Variants in RSPO2 observed in about 807,000 individuals in gnomAD.
RSPO2 encodes R-spondin 2, also known as R-spondin-2.
In RSPO2, 14 loss-of-function variants were observed where a neutral mutation model predicts 30.9. That is an observed-to-expected ratio of 0.45 (90% CI 0.30 to 0.71). The LOEUF (loss-of-function observed/expected upper bound fraction) is 0.71. Ranked by LOEUF, RSPO2 falls within the 30% of genes least tolerant of loss-of-function variation. RSPO2 has a pLI of 0.08. For missense variants in RSPO2, 264 were observed against 301.9 expected (o/e 0.87, Z 0.93); for synonymous variants, 107 against 96.4 (o/e 1.11, Z -0.64).
At chr8:108,047,312 T>C (rs1258427406) in intron 2 of RSPO2, among the ~76,000 whole-genome samples, 1 of 152,236 alleles carries the variant, frequency 6.6e-6, no homozygotes, top group Non-Finnish European at 1.5e-5. Context: ...ATCCTTCATA[T>C]GTCAGAGGCC....
chr8:107,913,762 T>A (rs1055318594), intron 5 of RSPO2, among the ~76,000 whole-genome samples: 1 of 152,142 alleles, frequency 6.6e-6, no homozygotes, highest in East Asian at 1.9e-4. Flanking sequence ...TGAGTTCATG[T>A]CTCCTCAACT....
chr8:108,003,312 T>C (rs1363539316), intron 2 of RSPO2, among the ~76,000 whole-genome samples: 27 of 10,732 alleles, frequency 2.5e-3, no homozygotes, highest in African/African-American at 5.7e-3. Context: ...TATATATATA[T>C]TTTTTTTTTT....
intron 5 of RSPO2, among the ~76,000 whole-genome samples, chr8:107,902,116 T>C (rs1232397528): frequency 6.6e-6 from 1 of 152,158 alleles, no homozygotes; most frequent in East Asian, 1.9e-4. Context: ...GTCCATCACC[T>C]CTTTGAGTTC....
intron 5 of RSPO2, among the ~76,000 whole-genome samples, chr8:107,944,959 ACTAGATAAACTAGTGATAAACT>A (rs528192993): frequency 2.8e-4 from 42 of 152,240 alleles, no homozygotes; most frequent in Admixed American, 9.2e-4. Flanking sequence ...TAGTTTTATC[ACTAGATAAACTAGTGATAAACT>A]CTAGGCCTAG....
Position 107,900,905 on chromosome 8 carries a change from G to A in RSPO2, c.*170C>T. ...TCACAGTCTCCAGATTCAAATCAAA[G>A]CATAAATAACACAGGGGCCATGCTG... is the stretch of plus-strand genomic sequence containing the variant. On this transcript the variant is annotated 3_prime_UTR_variant, in exon 6 of 6. Coordinates refer to ENST00000276659, the MANE Select transcript of RSPO2 (RefSeq NM_178565.5). The A allele has an allele frequency of 1.5e-6, 1 of 656,808 alleles. No homozygotes were observed. The highest frequency in any genetic ancestry group is 2.4e-5 in the South Asian group (1 of 41,222). 40.7% of individuals were successfully genotyped at this position (656,808 alleles called of 1,614,324 possible).
chr8:108,012,887 G>A (rs555196369), intron 2 of RSPO2, among the ~76,000 whole-genome samples: 23 of 152,278 alleles, frequency 1.5e-4, no homozygotes, highest in East Asian at 1.2e-3. Flanking sequence ...CAACCCTCAT[G>A]TTGGAATTTA....
At chr8:108,066,592 TA>T (rs1812675472) in intron 2 of RSPO2, among the ~76,000 whole-genome samples, 1 of 152,170 alleles carries the variant, frequency 6.6e-6, no homozygotes, top group African/African-American at 2.4e-5. Flanking sequence ...CTGTCCCAGC[TA>T]AACACGTATC....
chr8:107,968,713 T>C (rs1813898567), intron 3 of RSPO2, among the ~76,000 whole-genome samples: 1 of 151,934 alleles, frequency 6.6e-6, no homozygotes, highest in Admixed American at 6.6e-5. Context: ...CATACAACTA[T>C]TAAATATAAA....
chr8:108,035,935 A>T (rs555083738), intron 2 of RSPO2, among the ~76,000 whole-genome samples: 224 of 152,272 alleles, frequency 1.5e-3, no homozygotes, highest in African/African-American at 5.3e-3. Context: ...GCTAATAAAA[A>T]CATTTTTCAT....
chr8:108,083,282 G>A lies in RSPO2; in HGVS notation c.-255C>T, dbSNP rs947918182. The A allele has an allele frequency of 6.6e-6, 1 of 152,248 alleles. No homozygotes were observed. Among genetic ancestry groups the A allele is most frequent in the Non-Finnish European group, 1.5e-5 (1 of 68,064 alleles). 9.4% of individuals were successfully genotyped at this position (152,248 alleles called of 1,614,324 possible). On this transcript the variant is annotated 5_prime_UTR_variant, in exon 1 of 6. Transcript: ENST00000276659. ...AAGCGAGCCGCTTGGTTAGCACGTGGGCTGGGGAAAAGTTTGCCGAGACCG... is the reference window on the plus strand; with the variant it reads ...AAGCGAGCCGCTTGGTTAGCACGTGAGCTGGGGAAAAGTTTGCCGAGACCG...
At chr8:107,939,131 T>G (rs1812806029) in intron 5 of RSPO2, among the ~76,000 whole-genome samples, 1 of 152,098 alleles carries the variant, frequency 6.6e-6, no homozygotes, top group African/African-American at 2.4e-5. Flanking sequence ...TCTTGCTTGT[T>G]ATTAACTCCG....
At chr8:108,061,016 A>G (rs928311568) in intron 2 of RSPO2, among the ~76,000 whole-genome samples, 4 of 151,808 alleles carry the variant, frequency 2.6e-5, no homozygotes, top group African/African-American at 9.7e-5. Flanking sequence ...GCCTGCCCTA[A>G]AAGAGCTCCT....
intron 5 of RSPO2, among the ~76,000 whole-genome samples, chr8:107,923,423 G>T (rs80081056): frequency 6.6e-6 from 1 of 152,128 alleles, no homozygotes; most frequent in South Asian, 2.1e-4. Context: ...AATATCAGAC[G>T]CTAGTGAGGT....
chr8:107,914,206 T>C (rs1049776019), intron 5 of RSPO2, among the ~76,000 whole-genome samples: 4 of 152,124 alleles, frequency 2.6e-5, no homozygotes, highest in Non-Finnish European at 5.9e-5. Context: ...GGACCTGTAC[T>C]GAAACTTGAG....
intron 2 of RSPO2, among the ~76,000 whole-genome samples, chr8:108,059,467 A>C (rs1362323702): frequency 6.6e-6 from 1 of 151,598 alleles, no homozygotes; most frequent in Non-Finnish European, 1.5e-5. Context: ...ATCTAGAACT[A>C]GAAATACCAT....
chr8:107,919,126 C>A (rs1254949469), intron 5 of RSPO2, among the ~76,000 whole-genome samples: 1 of 152,128 alleles, frequency 6.6e-6, no homozygotes, highest in Non-Finnish European at 1.5e-5. Context: ...CAGTTTCACT[C>A]CTCTTACCTT....
intron 5 of RSPO2, among the ~76,000 whole-genome samples, chr8:107,923,038 A>G (rs140650024): frequency 3.9e-5 from 6 of 152,272 alleles, no homozygotes; most frequent in African/African-American, 1.4e-4. Context: ...TTTCATGAAG[A>G]CAGGAAAAGC....
chr8:107,918,218 G>A (rs1425208262), intron 5 of RSPO2, among the ~76,000 whole-genome samples: 2 of 152,140 alleles, frequency 1.3e-5, no homozygotes, highest in African/African-American at 4.8e-5. Context: ...TAACAATTGA[G>A]TAAAATATAC....
intron 5 of RSPO2, among the ~76,000 whole-genome samples, chr8:107,926,409 G>T (rs1340554078): frequency 6.6e-6 from 1 of 152,022 alleles, no homozygotes; most frequent in East Asian, 1.9e-4. Context: ...AGTTTAATTA[G>T]ATCCCATTTG....
Sources: allele counts gnomAD v4.1 joint callset (sites outside exome capture counted in the v4.1 genomes callset), GRCh38; gene constraint gnomAD v4.1.1; transcripts MANE v1.5; gene names NCBI Gene and HGNC (gene_info 2026-07-23, HGNC 2026-07-21).